Variants in EVL observed in about 807,000 individuals in gnomAD.
EVL encodes the protein ena/VASP-like protein.
Under a neutral mutation model 59.6 loss-of-function variants are expected in EVL, and 21 were observed. The observed-to-expected ratio is 0.35, with a 90% CI of 0.25 to 0.51. The LOEUF is 0.51. Among genes scored for constraint, EVL ranks in the 20% least tolerant of loss-of-function variants. The pLI, the probability that EVL is intolerant of heterozygous loss-of-function variation, is 0.97. For missense variants in EVL, 462 were observed against 546.6 expected (o/e 0.85, Z 1.54); for synonymous variants, 198 against 203.5 (o/e 0.97, Z 0.23).
At chr14:100,001,430 C>A (rs1210166505) in intron 1 of EVL, among the ~76,000 whole-genome samples, 1 of 152,178 alleles carries the variant, frequency 6.6e-6, no homozygotes, top group Non-Finnish European at 1.5e-5. Flanking sequence ...AAATAGAATT[C>A]GTCTCTCTCT....
chr14:100,102,632 T>A (rs1886294082), intron 3 of EVL, among the ~76,000 whole-genome samples: 1 of 152,174 alleles, frequency 6.6e-6, no homozygotes, highest in Admixed American at 6.5e-5. Flanking sequence ...AGCTAGCAGC[T>A]AAGAGACCTA....
intron 1 of EVL, among the ~76,000 whole-genome samples, chr14:99,998,583 T>C (rs890861014): frequency 6.6e-6 from 1 of 152,172 alleles, no homozygotes; most frequent in Non-Finnish European, 1.5e-5. Context: ...TCTACAAATT[T>C]TGCAATACAG....
intron 1 of EVL, among the ~76,000 whole-genome samples, chr14:99,988,005 C>G (rs929567034): frequency 2.0e-5 from 3 of 150,850 alleles, no homozygotes; most frequent in Admixed American, 6.6e-5. Context: ...ATCTCTGCCC[C>G]CTGAGTTCAA....
At chr14:100,017,411 C>T (rs1408791514) in intron 1 of EVL, among the ~76,000 whole-genome samples, 1 of 152,032 alleles carries the variant, frequency 6.6e-6, no homozygotes, top group African/African-American at 2.4e-5. Flanking sequence ...GAAGAACCAC[C>T]CAGTCATCAG....
intron 2 of EVL, among the ~76,000 whole-genome samples, chr14:100,091,621 C>T (rs2062566509): frequency 6.6e-6 from 1 of 152,176 alleles, no homozygotes; most frequent in Non-Finnish European, 1.5e-5. Context: ...TATCTGCCCA[C>T]TCATCTGTAG....
At chr14:100,063,700 A>G (rs1174264283), upstream of EVL, among the ~76,000 whole-genome samples, 2 of 152,212 alleles carry the variant, frequency 1.3e-5, no homozygotes, top group Non-Finnish European at 2.9e-5. Context: ...CAATACTATT[A>G]ACCACCATGA....
intron 1 of EVL, among the ~76,000 whole-genome samples, chr14:100,012,526 C>T (rs2061023162): frequency 6.6e-6 from 1 of 152,176 alleles, no homozygotes; most frequent in Non-Finnish European, 1.5e-5. Context: ...GGGTAATCTG[C>T]CCTATTATTT....
intron 11 of EVL, chr14:100,139,774 T>C (rs1889046899): frequency 6.6e-6 from 1 of 152,242 alleles, no homozygotes; most frequent in Non-Finnish European, 1.5e-5. Flanking sequence ...TGTGTGCCCA[T>C]GATCACACCC....
chr14:99,977,758 A>G (rs1490769479), intron 1 of EVL, among the ~76,000 whole-genome samples: 1 of 152,018 alleles, frequency 6.6e-6, no homozygotes, highest in East Asian at 1.9e-4. Flanking sequence ...TTGAGTCTAC[A>G]GTAGCATAAG....
chr14:100,106,890 C>A (rs1886604645), intron 3 of EVL: 1 of 398,636 alleles, frequency 2.5e-6, no homozygotes, highest in Non-Finnish European at 4.4e-6. Context: ...CTGATATGAC[C>A]CAGTCAGGAA....
In EVL at chr14:100,116,002, C is replaced by T. The variant is rs150990350; in HGVS notation, c.359-7537C>T. Among the ~76,000 whole-genome samples the T allele has an allele frequency of 2.3e-4, 35 of 152,354 alleles. No homozygotes were observed. The East Asian group carries it at 5.8e-3, about 25-fold the overall frequency. Reference sequence around the variant, plus strand: ...GAGCCCTGGGCCGGGAGACATTTGTCGTGGGCTCTGGTCCCAGCTCTGCCA... The same window carrying T: ...GAGCCCTGGGCCGGGAGACATTTGTTGTGGGCTCTGGTCCCAGCTCTGCCA... On this transcript the variant is annotated intron_variant, in intron 3 of 13. Transcript: ENST00000392920.
intron 1 of EVL, among the ~76,000 whole-genome samples, chr14:100,072,651 A>G (rs1242054957): frequency 2.0e-5 from 3 of 152,232 alleles, no homozygotes; most frequent in Non-Finnish European, 4.4e-5. Context: ...GGACTGAAGT[A>G]TCATGGTATC....
intron 3 of EVL, among the ~76,000 whole-genome samples, chr14:100,100,417 A>G (rs1886132084): frequency 6.6e-6 from 1 of 152,192 alleles, no homozygotes; most frequent in African/African-American, 2.4e-5. Flanking sequence ...GCCGAGGTCC[A>G]AGCCTACTGA....
chr14:100,059,095 A>G (rs760973377), intron 1 of EVL, among the ~76,000 whole-genome samples: 1 of 152,242 alleles, frequency 6.6e-6, no homozygotes, highest in Non-Finnish European at 1.5e-5. Flanking sequence ...GCCTCTGGCC[A>G]TGGCAGAATA....
chr14:100,108,648 C>T lies in EVL; in HGVS notation c.358+10990C>T, dbSNP rs1886741290. Among the ~76,000 whole-genome samples, 1 of 152,184 alleles carries T rather than the reference C, an allele frequency of 6.6e-6. No homozygotes were observed. Among genetic ancestry groups the T allele is most frequent in the African/African-American group, 2.4e-5 (1 of 41,440 alleles). ...ACCGTCAGTCACACTCTTACTCAGG[C>T]TCTCCTGTGCCCCTGGCCCTTCTTC... On this transcript the variant is annotated intron_variant, in intron 3 of 13. Transcript: ENST00000392920. This position sits in a 1 kb window ranked among gnomAD's most constrained non-coding sequence, Gnocchi z 4.1.
At chr14:99,991,772 A>G in intron 1 of EVL, among the ~76,000 whole-genome samples, 1 of 152,340 alleles carries the variant, frequency 6.6e-6, no homozygotes, top group Middle Eastern at 3.4e-3. Context: ...TACAGTATAT[A>G]TAATACATAC....
At chr14:100,085,811 C>T (rs2062427470) in intron 2 of EVL, among the ~76,000 whole-genome samples, 1 of 152,192 alleles carries the variant, frequency 6.6e-6, no homozygotes, top group Non-Finnish European at 1.5e-5. Context: ...AGAGACATCT[C>T]TACCCCAGGA....
At chr14:100,141,110 G>T in intron 11 of EVL, 70 bp from the exon 12 acceptor site, 4 of 1,514,410 alleles carry the variant, frequency 2.6e-6, no homozygotes, top group Non-Finnish European at 3.6e-6. Context: ...CCTGAGCGGG[G>T]CCTCTGCACA....
chr14:100,105,990 AT>A (rs1241547829), intron 3 of EVL: 2 of 152,262 alleles, frequency 1.3e-5, no homozygotes, highest in Non-Finnish European at 2.9e-5. Flanking sequence ...TTTGCCTCGC[AT>A]GTGGCTTTAG....
Sources: allele counts gnomAD v4.1 joint callset (sites outside exome capture counted in the v4.1 genomes callset), GRCh38; gene constraint gnomAD v4.1.1; non-coding constraint Gnocchi (gnomAD v3.1); transcripts MANE v1.5; gene names NCBI Gene and HGNC (gene_info 2026-07-23, HGNC 2026-07-21).